B3GAT2: variants seen among roughly 807,000 people sequenced by gnomAD.
B3GAT2 encodes beta-1,3-glucuronyltransferase 2.
B3GAT2 carries 26 observed loss-of-function variants against 27.8 expected under a neutral mutation model. The observed-to-expected ratio is 0.93, with a 90% CI of 0.68 to 1.30. B3GAT2 has a LOEUF of 1.30. Among genes scored for constraint, B3GAT2 ranks in the 50% most tolerant of loss-of-function variants. The pLI, the probability that B3GAT2 is intolerant of heterozygous loss-of-function variation, is 0.00. For missense variants in B3GAT2, 458 were observed against 459.0 expected, an observed-to-expected ratio of 1.00 and a Z score of 0.02; for synonymous variants, 218 against 195.1, an observed-to-expected ratio of 1.12 and a Z score of -0.98.
intron 2 of B3GAT2, among the ~76,000 whole-genome samples, chr6:70,893,555 A>G (rs1004941629): frequency 1.3e-5 from 2 of 152,138 alleles, no homozygotes; most frequent in Admixed American, 1.3e-4. Context: ...GGCTAATTCA[A>G]TTCAGTTGGT....
At chr6:70,920,420 G>A (rs1317434945) in intron 1 of B3GAT2, among the ~76,000 whole-genome samples, 1 of 152,166 alleles carries the variant, frequency 6.6e-6, no homozygotes, top group African/African-American at 2.4e-5. Flanking sequence ...TGCCCTCCAT[G>A]GGCTGCACCC....
rs981296010 is a variant in B3GAT2, at chr6:70,873,455, C to A, written c.737-11477G>T. 2.0e-5 allele frequency among the ~76,000 whole-genome samples: 3 copies of A among 150,678 alleles called. No individual in the cohort carries two copies. In the East Asian group the frequency reaches 5.8e-4, roughly 29 times the overall value. On this transcript the variant is annotated intron_variant, in intron 2 of 3. Transcript: ENST00000230053. ...TAATAAACAATGGCTTATTAAAGAG[C>A]CTTTGTTAATCATATTCAGTTTTCT...
rs1424961764 is a variant in B3GAT2 at position 70,858,750 on chromosome 6, G to T, written c.*2913C>A. On this transcript the variant is annotated 3_prime_UTR_variant, in exon 4 of 4. Coordinates refer to ENST00000230053, the MANE Select transcript of B3GAT2 (RefSeq NM_080742.3). The stretch of plus-strand genomic sequence containing the variant: ...CGGATGATTACTGCCCCATGGCTCT[G>T]TAAAAATTCTTTTTGTTGAGAAACC... The T allele has an allele frequency of 6.5e-6, 1 of 152,818 alleles. No individual in the cohort carries two copies. The allele number at this position is 152,818 out of a possible 1,614,324, so 9.5% of individuals were successfully genotyped here.
At position 70,857,918 on chromosome 6, in the gene B3GAT2, G is replaced by C; in HGVS notation, c.*3745C>G. On this transcript the variant is annotated 3_prime_UTR_variant, in exon 4 of 4. Coordinates refer to ENST00000230053, the MANE Select transcript of B3GAT2 (RefSeq NM_080742.3). ...TCTTCATTCATTTTCTTTTTGTGGT[G>C]CAGGTGTATTTATGGGACCCACAAA... 1.2e-6 allele frequency: 2 copies of C among 1,613,020 alleles called. No homozygotes were observed. Among genetic ancestry groups the C allele is most frequent in the Non-Finnish European group, 8.5e-7 (1 of 1,179,314 alleles).
chr6:70,956,077 T>C lies in B3GAT2; in HGVS notation c.353A>G (p.Asp118Gly), dbSNP rs746394122. 1 of 1,586,924 alleles carries C rather than the reference T, an allele frequency of 6.3e-7. No individual in the cohort carries two copies. The highest frequency in any genetic ancestry group is 8.5e-7 in the Non-Finnish European group (1 of 1,170,604). The change falls in exon 1 of 4, where the codon GAC becomes GGC. Residue 118 changes from aspartate (D) to glycine (G), a missense_variant. Coordinates refer to ENST00000230053, the MANE Select transcript of B3GAT2 (RefSeq NM_080742.3). ...VAQLHWILVE[D>G]AAARSELVSR... is the part of the protein sequence containing the mutation. ...CACCAGCTCGCTGCGCGCCGCCGCGTCCTCCACCAGGATCCAGTGCAGCTG... is the reference window on the plus strand; with the variant it reads ...CACCAGCTCGCTGCGCGCCGCCGCGCCCTCCACCAGGATCCAGTGCAGCTG...
Position 70,858,102 on chromosome 6 carries a change from A to G in B3GAT2, c.*3561T>C, listed in dbSNP as rs1771514081. ...CCCAATGGGTTTATGGGAAATGCAC[A>G]AACTGGTGTGATGCCACTTCCTCAG... On this transcript the variant is annotated 3_prime_UTR_variant, in exon 4 of 4. Transcript: ENST00000230053. 1.2e-6 allele frequency: 2 copies of G among 1,614,078 alleles called. No individual in the cohort carries two copies. Among genetic ancestry groups the G allele is most frequent in the Non-Finnish European group, 8.5e-7 (1 of 1,180,012 alleles).
chr6:70,859,751 GAAAT>G lies in B3GAT2; in HGVS notation c.*1908_*1911del, dbSNP rs1771621695. Reference sequence around the variant, plus strand: ...TGTTTATGTTGTTAGATCAGCGAGAGAAATAAATGCTTTATGACCACTTTAAAAA... The same window carrying G: ...TGTTTATGTTGTTAGATCAGCGAGAGAAATGCTTTATGACCACTTTAAAAA... On this transcript the variant is annotated 3_prime_UTR_variant, in exon 4 of 4. Transcript: ENST00000230053. The G allele has an allele frequency of 5.6e-6, 1 of 179,784 alleles. No homozygotes were observed. Among genetic ancestry groups the G allele is most frequent in the South Asian group, 1.7e-4 (1 of 5,748 alleles). The allele number at this position is 179,784 out of a possible 1,614,324, so 11.1% of individuals were successfully genotyped here.
At chr6:70,934,823 T>C (rs1773117048) in intron 1 of B3GAT2, among the ~76,000 whole-genome samples, 2 of 152,134 alleles carry the variant, frequency 1.3e-5, no homozygotes, top group African/African-American at 2.4e-5. Flanking sequence ...ATACAGAATA[T>C]ATAATCAACA....
chr6:70,873,575 T>C (rs1432049821), intron 2 of B3GAT2, among the ~76,000 whole-genome samples: 1 of 152,176 alleles, frequency 6.6e-6, no homozygotes, highest in African/African-American at 2.4e-5. Flanking sequence ...TGGAATCCAC[T>C]GAGCTTCCTC....
intron 1 of B3GAT2, among the ~76,000 whole-genome samples, chr6:70,953,259 T>A (rs182872599): frequency 2.0e-5 from 3 of 152,336 alleles, no homozygotes; most frequent in Admixed American, 6.5e-5. Flanking sequence ...GGTCCTACGT[T>A]TTCTCCAGAG....
At chr6:70,923,107 C>T (rs917907592) in intron 1 of B3GAT2, among the ~76,000 whole-genome samples, 2 of 152,212 alleles carry the variant, frequency 1.3e-5, no homozygotes, top group Admixed American at 1.3e-4. Flanking sequence ...TCATCATTGT[C>T]ATCAGCATCA....
chr6:70,923,941 G>A (rs1214331089), intron 1 of B3GAT2, among the ~76,000 whole-genome samples: 1 of 152,002 alleles, frequency 6.6e-6, no homozygotes, highest in Non-Finnish European at 1.5e-5. Flanking sequence ...AGTTCTGTTA[G>A]TAGTATCTGA....
chr6:70,870,075 G>T (rs866944361), intron 2 of B3GAT2, among the ~76,000 whole-genome samples: 31 of 151,678 alleles, frequency 2.0e-4, no homozygotes, highest in Admixed American at 7.9e-4. Flanking sequence ...CATGCTGCTA[G>T]AAAGACACAT....
chr6:70,935,835 C>G (rs1317022510), intron 1 of B3GAT2, among the ~76,000 whole-genome samples: 1 of 152,140 alleles, frequency 6.6e-6, no homozygotes, highest in Non-Finnish European at 1.5e-5. Flanking sequence ...TAGGAAGAAA[C>G]TGCATCAACT....
chr6:70,916,240 A>G (rs1022553274), intron 1 of B3GAT2, among the ~76,000 whole-genome samples: 1 of 151,580 alleles, frequency 6.6e-6, no homozygotes, highest in African/African-American at 2.4e-5. Flanking sequence ...TGATTTTTGT[A>G]CATTGATTTT....
chr6:70,921,643 T>G (rs1022373139), intron 1 of B3GAT2, among the ~76,000 whole-genome samples: 1 of 152,144 alleles, frequency 6.6e-6, no homozygotes, highest in Non-Finnish European at 1.5e-5. Flanking sequence ...ACCAGTGGGG[T>G]TGTCTGGAGG....
At chr6:70,892,484 T>C (rs533644846) in intron 2 of B3GAT2, among the ~76,000 whole-genome samples, 147 of 152,322 alleles carry the variant, frequency 9.7e-4, no homozygotes, top group African/African-American at 3.4e-3. Context: ...GAGATATGTC[T>C]GGGAAGTCCG....
At chr6:70,953,574 T>G (rs1038970585) in intron 1 of B3GAT2, among the ~76,000 whole-genome samples, 71 of 152,084 alleles carry the variant, frequency 4.7e-4, no homozygotes, top group African/African-American at 1.5e-3. Context: ...TGTCTGGGAG[T>G]GACCTCCAGG....
rs946232880 is a variant in B3GAT2, at chr6:70,898,691, C to A, written c.592-4419G>T. Among the ~76,000 whole-genome samples the A allele has an allele frequency of 3.9e-5, 6 of 152,206 alleles. No individual in the cohort carries two copies. The South Asian group carries it at 1.2e-3, about 32-fold the overall frequency. The stretch of plus-strand genomic sequence containing the variant: ...ATCTGTGAAAAACTGGTGGGCAGAC[C>A]CCATCTGACACCTCTGTGCTCCCTT... On this transcript the variant is annotated intron_variant, in intron 1 of 3. Transcript: ENST00000230053.
Sources: allele counts gnomAD v4.1 joint callset (sites outside exome capture counted in the v4.1 genomes callset), GRCh38; gene constraint gnomAD v4.1.1; transcripts MANE v1.5; gene names NCBI Gene and HGNC (gene_info 2026-07-23, HGNC 2026-07-21).